The following DGKB variants were observed in gnomAD, a reference collection of about 807,000 sequenced individuals.
The protein encoded by DGKB is 90 kDa diacylglycerol kinase.
In DGKB, 67 loss-of-function variants were observed where a neutral mutation model predicts 114.3. The ratio of observed to expected loss-of-function variants is 0.59; its 90% confidence interval spans 0.48 to 0.72. The LOEUF (loss-of-function observed/expected upper bound fraction) is 0.72, where lower values mean the gene tolerates loss of function less well. Among genes scored for constraint, DGKB ranks in the 30% least tolerant of loss-of-function variants. The pLI, the probability that DGKB is intolerant of heterozygous loss-of-function variation, is 0.00. For missense variants in DGKB, 907 were observed against 975.2 expected (o/e 0.93, Z 0.93); for synonymous variants, 398 against 323.1 (o/e 1.23, Z -2.49).
In DGKB at chr7:14,629,379, T is replaced by A. The variant is rs757630029; in HGVS notation, c.1167+857A>T. Among the ~76,000 whole-genome samples, 103 of 152,032 alleles carry A rather than the reference T, an allele frequency of 6.8e-4. 1 individual carries two copies. The highest frequency in any genetic ancestry group is 3.3e-4 in the Admixed American group (5 of 15,242). On this transcript the variant is annotated intron_variant, in intron 14 of 25. Transcript: ENST00000402815. ...TGGTTAAAAATGAGAACTTTTTTTT[T>A]AATTTAACGAAGAGGTCTACACTGA...
intron 21 of DGKB, among the ~76,000 whole-genome samples, chr7:14,466,943 GA>G (rs1279119134): frequency 2.0e-5 from 3 of 152,138 alleles, no homozygotes; most frequent in Admixed American, 1.3e-4. Context: ...TCTAGGGAGT[GA>G]TGTGGAGCTG....
At chr7:14,686,589 C>T (rs972211520) in intron 9 of DGKB, among the ~76,000 whole-genome samples, 5 of 152,144 alleles carry the variant, frequency 3.3e-5, no homozygotes, top group African/African-American at 1.2e-4. Flanking sequence ...TAAATATATT[C>T]AGATCATCTT....
chr7:14,682,632 G>A lies in DGKB; in HGVS notation c.956C>T (p.Thr319Ile), dbSNP rs780667931. The change falls in exon 12 of 26, where the codon ACC (threonine) becomes ATC (isoleucine). Residue 319 changes from threonine to isoleucine, a missense_variant. By Grantham distance (89) the Thr-to-Ile change is moderately conservative (BLOSUM62 -1). Around this residue, in one of 3 missense-constraint regions of DGKB, gnomAD observed 814 missense variants for 856.6 expected, o/e 0.95. Transcript: ENST00000402815. ...AGTTTTGTGGCACTTATCACACTTG[G>A]TTGGGCAGTTACCTTCAACCCAGTA... ...HHYWVEGNCPTKCDKCHKTVK... is the reference protein window; with the variant it reads ...HHYWVEGNCPIKCDKCHKTVK... 1.2e-6 allele frequency: 2 copies of A among 1,613,558 alleles called. No homozygotes were observed. Among genetic ancestry groups the A allele is most frequent in the Non-Finnish European group, 1.7e-6 (2 of 1,179,604 alleles).
intron 2 of DGKB, among the ~76,000 whole-genome samples, chr7:14,838,142 AATTT>A (rs1208485285): frequency 2.0e-5 from 3 of 152,254 alleles, no homozygotes; most frequent in Middle Eastern, 3.4e-3. Flanking sequence ...AATTTTCACA[AATTT>A]ATTACTGATT....
intron 1 of DGKB, among the ~76,000 whole-genome samples, chr7:14,862,439 T>A (rs768962714): frequency 3.9e-5 from 6 of 152,054 alleles, no homozygotes; most frequent in Non-Finnish European, 8.8e-5. Flanking sequence ...CTAAGTACAT[T>A]TTTTAGAATT....
intron 22 of DGKB, among the ~76,000 whole-genome samples, chr7:14,344,171 T>C (rs1812097015): frequency 6.6e-6 from 1 of 151,188 alleles, no homozygotes; most frequent in African/African-American, 2.4e-5. Flanking sequence ...AAAGTCCACG[T>C]TGAACCCAAA....
intron 21 of DGKB, among the ~76,000 whole-genome samples, chr7:14,363,206 C>A (rs1816060771): frequency 6.6e-6 from 1 of 152,046 alleles, no homozygotes; most frequent in African/African-American, 2.4e-5. Flanking sequence ...CTGATTAAAG[C>A]CACTAAGTGT....
intron 13 of DGKB, among the ~76,000 whole-genome samples, chr7:14,648,456 A>C (rs1290294369): frequency 6.6e-6 from 1 of 152,172 alleles, no homozygotes; most frequent in Non-Finnish European, 1.5e-5. Context: ...ACGGAAAACT[A>C]ACAAACAGAA....
At chr7:14,728,111 T>C (rs943893809) in intron 5 of DGKB, among the ~76,000 whole-genome samples, 1 of 152,214 alleles carries the variant, frequency 6.6e-6, no homozygotes, top group African/African-American at 2.4e-5. Flanking sequence ...CTTATTGATA[T>C]GTGTAGCATC....
chr7:14,324,616 T>G (rs2128544454), intron 23 of DGKB, among the ~76,000 whole-genome samples: 1 of 152,198 alleles, frequency 6.6e-6, no homozygotes, highest in Non-Finnish European at 1.5e-5. Context: ...GGAAGCTCAT[T>G]ACCAGGTGGC....
In DGKB at chr7:14,783,557, A is replaced by G. The variant is rs1586476770; in HGVS notation, c.71-25826T>C. 2.0e-5 allele frequency among the ~76,000 whole-genome samples: 3 copies of G among 152,222 alleles called. No individual in the cohort carries two copies. The East Asian group carries it at 5.8e-4, about 29-fold the overall frequency. On this transcript the variant is annotated intron_variant, in intron 2 of 25. Transcript: ENST00000402815. The stretch of plus-strand genomic sequence containing the variant: ...TGATTTTGCTGTTTGACATTAGGCA[A>G]TTAATGGAGTGGTTATGTATGGTCA...
intron 19 of DGKB, among the ~76,000 whole-genome samples, chr7:14,576,164 C>A (rs576089629): frequency 1.4e-4 from 22 of 152,192 alleles, no homozygotes; most frequent in Non-Finnish European, 2.5e-4. Context: ...AGACTAAATA[C>A]TATTTAAAAA....
intron 21 of DGKB, among the ~76,000 whole-genome samples, chr7:14,443,598 T>G (rs1830356318): frequency 6.6e-6 from 1 of 152,130 alleles, no homozygotes; most frequent in South Asian, 2.1e-4. Flanking sequence ...ATTGTCGATG[T>G]TGAATAATCA....
intron 2 of DGKB, among the ~76,000 whole-genome samples, chr7:14,791,834 A>G (rs1840705727): frequency 6.6e-6 from 1 of 152,164 alleles, no homozygotes; most frequent in African/African-American, 2.4e-5. Context: ...GGATTTTATT[A>G]CATCTTTCAA....
chr7:14,422,282 T>C (rs1287459670), intron 21 of DGKB, among the ~76,000 whole-genome samples: 1 of 152,068 alleles, frequency 6.6e-6, no homozygotes, highest in African/African-American at 2.4e-5. Flanking sequence ...GGTAATAACT[T>C]TTAATGGAGT....
At chr7:14,329,820 A>G (rs1585164813) in intron 23 of DGKB, among the ~76,000 whole-genome samples, 1 of 151,942 alleles carries the variant, frequency 6.6e-6, no homozygotes, top group Non-Finnish European at 1.5e-5. Flanking sequence ...GTGTTATTTA[A>G]TCACTTGAGC....
At position 14,488,371 on chromosome 7, in the gene DGKB, G is replaced by T. The variant is rs944352312; in HGVS notation, c.1771-10146C>A. Among the ~76,000 whole-genome samples, 7 of 152,178 alleles carry T rather than the reference G, an allele frequency of 4.6e-5. No homozygotes were observed. In the East Asian group the frequency reaches 1.4e-3, roughly 29 times the overall value. On this transcript the variant is annotated intron_variant, in intron 20 of 25. Transcript: ENST00000402815. Reference sequence around the variant, plus strand: ...AGCTTCAGAAACAAACTTGTAGAAAGAATAAACTTACTATACACTTACTAT... The same window carrying T: ...AGCTTCAGAAACAAACTTGTAGAAATAATAAACTTACTATACACTTACTAT...
chr7:14,411,111 C>T (rs1824802931), intron 21 of DGKB, among the ~76,000 whole-genome samples: 1 of 152,136 alleles, frequency 6.6e-6, no homozygotes, highest in African/African-American at 2.4e-5. Flanking sequence ...ACAACCAGTA[C>T]TGTAGTCTAC....
chr7:14,906,342 T>C (rs926070948), upstream of DGKB, among the ~76,000 whole-genome samples: 1 of 152,050 alleles, frequency 6.6e-6, no homozygotes, highest in Non-Finnish European at 1.5e-5. Flanking sequence ...CTTAATAAAT[T>C]AATTCTTAAA....
Sources: allele counts gnomAD v4.1 joint callset (sites outside exome capture counted in the v4.1 genomes callset), GRCh38; gene constraint gnomAD v4.1.1; regional missense constraint gnomAD v4.1.1; transcripts MANE v1.5; gene names NCBI Gene and HGNC (gene_info 2026-07-23, HGNC 2026-07-21).